The following GMDS variants were observed in gnomAD, a reference collection of about 807,000 sequenced individuals.
GMDS encodes the protein GDP-mannose 4,6-dehydratase.
Under a neutral mutation model 49.9 loss-of-function variants are expected in GMDS, and 20 were observed. That is an observed-to-expected ratio of 0.40 (90% CI 0.28 to 0.58). The LOEUF is 0.58. Among genes scored for constraint, GMDS ranks in the 20% least tolerant of loss-of-function variants. The pLI is 0.42. For missense variants in GMDS, 362 were observed against 481.4 expected, an observed-to-expected ratio of 0.75 and a Z score of 2.32; for synonymous variants, 177 against 178.6, an observed-to-expected ratio of 0.99 and a Z score of 0.07.
intron 6 of GMDS, among the ~76,000 whole-genome samples, chr6:1,957,098 C>T (rs764268172): frequency 1.3e-4 from 20 of 152,134 alleles, no homozygotes; most frequent in African/African-American, 3.4e-4. Flanking sequence ...CCATCGCGCC[C>T]GGCCCATTTA....
At chr6:1,949,165 A>G (rs1025512222) in intron 6 of GMDS, 2 of 223,870 alleles carry the variant, frequency 8.9e-6, no homozygotes, top group Non-Finnish European at 7.5e-6. Context: ...TTCAAAATCT[A>G]CTATGCACTG....
At chr6:1,823,511 G>A (rs1770979896) in intron 7 of GMDS, among the ~76,000 whole-genome samples, 1 of 152,070 alleles carries the variant, frequency 6.6e-6, no homozygotes, top group African/African-American at 2.4e-5. Context: ...GGGCTCCTAG[G>A]ACACTACAAA....
At chr6:2,063,541 C>T (rs930182210) in intron 4 of GMDS, among the ~76,000 whole-genome samples, 1 of 152,036 alleles carries the variant, frequency 6.6e-6, no homozygotes, top group Non-Finnish European at 1.5e-5. Flanking sequence ...AATATTAACA[C>T]CAAAATGAAA....
chr6:1,998,875 G>GT (rs3047746), intron 4 of GMDS, among the ~76,000 whole-genome samples: 69,517 of 151,644 alleles, frequency 0.46, 16,132 homozygotes, highest in African/African-American at 0.52. Flanking sequence ...AAGGAAAACT[G>GT]TTTTTTTTAA....
chr6:1,690,124 A>C (rs780028395), intron 9 of GMDS, among the ~76,000 whole-genome samples: 12 of 152,128 alleles, frequency 7.9e-5, no homozygotes, highest in South Asian at 2.1e-4. Flanking sequence ...AATAACAAAC[A>C]AACCAACCCA....
At chr6:2,094,405 C>T (rs1300780366) in intron 4 of GMDS, among the ~76,000 whole-genome samples, 1 of 152,178 alleles carries the variant, frequency 6.6e-6, no homozygotes, top group African/African-American at 2.4e-5. Flanking sequence ...AGCTAAGAGA[C>T]CAAATATCTG....
intron 1 of GMDS, among the ~76,000 whole-genome samples, chr6:2,134,729 CATATAGTTAAGT>C (rs1382848901): frequency 8.0e-6 from 1 of 124,806 alleles, no homozygotes; most frequent in African/African-American, 6.2e-5. Context: ...AGATTTGAGT[CATATAGTTAAGT>C]CATATAGTTA....
chr6:2,096,135 CATT>C (rs1389384769), intron 4 of GMDS, among the ~76,000 whole-genome samples: 10 of 152,128 alleles, frequency 6.6e-5, no homozygotes, highest in Non-Finnish European at 1.5e-4. Flanking sequence ...AGTTCAACCC[CATT>C]ATTAATTAGA....
At chr6:2,057,587 T>C (rs1287321348) in intron 4 of GMDS, among the ~76,000 whole-genome samples, 2 of 152,188 alleles carry the variant, frequency 1.3e-5, no homozygotes, top group Admixed American at 6.5e-5. Context: ...ATACTCTTCC[T>C]TCAAAACACA....
chr6:1,646,370 C>T (rs960869979), intron 9 of GMDS, among the ~76,000 whole-genome samples: 1 of 152,106 alleles, frequency 6.6e-6, no homozygotes, highest in Admixed American at 6.6e-5. Flanking sequence ...TAGTCAGGAC[C>T]CTCCATTACT....
At chr6:2,213,176 G>A (rs1436812930) in intron 1 of GMDS, among the ~76,000 whole-genome samples, 2 of 152,190 alleles carry the variant, frequency 1.3e-5, no homozygotes, top group Non-Finnish European at 2.9e-5. Context: ...CACCACAGGT[G>A]GCAAATATCA....
intron 4 of GMDS, among the ~76,000 whole-genome samples, chr6:2,106,488 CG>C (rs531493935): frequency 1.1e-3 from 168 of 151,894 alleles, no homozygotes; most frequent in African/African-American, 3.7e-3. Flanking sequence ...ATTTTGGGGG[CG>C]GGGGAGATAC....
intron 1 of GMDS, among the ~76,000 whole-genome samples, chr6:2,232,079 T>C (rs914434496): frequency 6.6e-6 from 1 of 152,048 alleles, no homozygotes; most frequent in Non-Finnish European, 1.5e-5. Flanking sequence ...GTAGTTCACA[T>C]AGTCAAAAGT....
chr6:1,871,572 CT>C (rs1561856942), intron 7 of GMDS, among the ~76,000 whole-genome samples: 1 of 152,116 alleles, frequency 6.6e-6, no homozygotes. Flanking sequence ...ACAGAAATTA[CT>C]TTTTTTCATG....
Position 1,624,250 on chromosome 6 carries a change from C to A in GMDS, c.1057-19G>T. 6.2e-7 allele frequency: 1 copy of A among 1,608,866 alleles called. No individual in the cohort carries two copies. Among genetic ancestry groups the A allele is most frequent in the Non-Finnish European group, 8.5e-7 (1 of 1,178,050 alleles). On this transcript the variant is annotated intron_variant, in intron 10 of 10. Transcript: ENST00000380815. ...CCAGCTCCTGCAACACAGGGGTGGGCGTGAGGGAGGAGCTTCTGCCACTCT... is the reference window on the plus strand; with the variant it reads ...CCAGCTCCTGCAACACAGGGGTGGGAGTGAGGGAGGAGCTTCTGCCACTCT...
chr6:2,155,475 T>C (rs758582223), intron 1 of GMDS, among the ~76,000 whole-genome samples: 43 of 152,292 alleles, frequency 2.8e-4, no homozygotes, highest in African/African-American at 1.0e-3. Context: ...AAAATTTATT[T>C]TGGACCTCTC....
intron 4 of GMDS, among the ~76,000 whole-genome samples, chr6:2,092,569 G>T (rs990166904): frequency 1.3e-5 from 2 of 152,128 alleles, no homozygotes; most frequent in African/African-American, 4.8e-5. Context: ...TAACAGATTT[G>T]TTTGGAAATG....
intron 8 of GMDS, among the ~76,000 whole-genome samples, chr6:1,738,031 CCA>C (rs76629259): frequency 0.97 from 141,528 of 145,182 alleles, 68,980 homozygotes; most frequent in East Asian, 1. Context: ...CATACACACA[CCA>C]CACACACACA....
At chr6:1,786,409 A>G (rs1769322153) in intron 7 of GMDS, among the ~76,000 whole-genome samples, 1 of 152,238 alleles carries the variant, frequency 6.6e-6, no homozygotes, top group Non-Finnish European at 1.5e-5. Flanking sequence ...GGCCAGGGAA[A>G]GAGTGGGACT....
Sources: allele counts gnomAD v4.1 joint callset (sites outside exome capture counted in the v4.1 genomes callset), GRCh38; gene constraint gnomAD v4.1.1; transcripts MANE v1.5; gene names NCBI Gene and HGNC (gene_info 2026-07-23, HGNC 2026-07-21).